The following LRRC8D variants were observed in gnomAD, a reference collection of about 807,000 sequenced individuals.
LRRC8D encodes the protein volume-regulated anion channel subunit LRRC8D.
Under a neutral mutation model 55.8 loss-of-function variants are expected in LRRC8D, and 20 were observed. The observed-to-expected ratio is 0.36, with a 90% CI of 0.25 to 0.52. The LOEUF (loss-of-function observed/expected upper bound fraction) is 0.52. Among genes scored for constraint, LRRC8D ranks in the 20% least tolerant of loss-of-function variants. The pLI is 0.93. For synonymous variants in LRRC8D, 352 were observed against 377.0 expected, an observed-to-expected ratio of 0.93 and a Z score of 0.77; for missense variants, 651 against 1,030.8, an observed-to-expected ratio of 0.63 and a Z score of 5.05.
chr1:89,869,635 G>A (rs1327893209), intron 2 of LRRC8D, among the ~76,000 whole-genome samples: 1 of 152,062 alleles, frequency 6.6e-6, no homozygotes, highest in Non-Finnish European at 1.5e-5. Flanking sequence ...CTCAAGAAGA[G>A]CAACCACAAG....
chr1:89,881,538 G>A (rs1016872015), intron 2 of LRRC8D, among the ~76,000 whole-genome samples: 1 of 152,166 alleles, frequency 6.6e-6, no homozygotes, highest in Non-Finnish European at 1.5e-5. Flanking sequence ...TGCAGAGTAG[G>A]TGGAGATTTG....
At chr1:89,879,020 T>C (rs1662215934) in intron 2 of LRRC8D, among the ~76,000 whole-genome samples, 1 of 151,160 alleles carries the variant, frequency 6.6e-6, no homozygotes, top group South Asian at 2.1e-4. Context: ...AAGGACTGGA[T>C]TGCGCAGTAA....
Position 89,866,624 on chromosome 1 carries a change from G to A in LRRC8D, c.-3+22842G>A, listed in dbSNP as rs72716325. Reference sequence around the variant, plus strand: ...TCCTTTAGTTCTCTACTTTTCTTTAGCCTTTGAGCCTATCCCTACATCTTA... The same window carrying A: ...TCCTTTAGTTCTCTACTTTTCTTTAACCTTTGAGCCTATCCCTACATCTTA... On this transcript the variant is annotated intron_variant, in intron 2 of 2. Coordinates refer to ENST00000337338, the MANE Select transcript of LRRC8D (RefSeq NM_001134479.2). Among the ~76,000 whole-genome samples, 118 of 152,144 alleles carry A rather than the reference G, an allele frequency of 7.8e-4. 1 individual carries two copies. Among genetic ancestry groups the A allele is most frequent in the Non-Finnish European group, 1.4e-3 (96 of 67,990 alleles).
At chr1:89,821,459 C>T (rs1420917337) in intron 1 of LRRC8D, among the ~76,000 whole-genome samples, 168 bp downstream of exon 1, 1 of 152,082 alleles carries the variant, frequency 6.6e-6, no homozygotes, top group African/African-American at 2.4e-5. Flanking sequence ...GAGGAGGTGG[C>T]GGCGAGCGGA....
At chr1:89,852,074 T>A (rs1661432493) in intron 2 of LRRC8D, among the ~76,000 whole-genome samples, 1 of 152,094 alleles carries the variant, frequency 6.6e-6, no homozygotes, top group South Asian at 2.1e-4. Flanking sequence ...TTTAGTTAAC[T>A]GCTGAGATTT....
At chr1:89,862,566 G>GGAT (rs1367767757) in intron 2 of LRRC8D, among the ~76,000 whole-genome samples, 1 of 152,128 alleles carries the variant, frequency 6.6e-6, no homozygotes, top group Non-Finnish European at 1.5e-5. Context: ...TCTCTGTGCT[G>GGAT]GATGTATTTA....
intron 2 of LRRC8D, among the ~76,000 whole-genome samples, chr1:89,924,817 T>G (rs1303681915): frequency 6.6e-6 from 1 of 151,864 alleles, no homozygotes; most frequent in Non-Finnish European, 1.5e-5. Flanking sequence ...TACAGAAACA[T>G]AAAACCAAAT....
intron 2 of LRRC8D, among the ~76,000 whole-genome samples, chr1:89,848,761 G>A (rs948144531): frequency 1.3e-5 from 2 of 151,598 alleles, no homozygotes; most frequent in African/African-American, 4.8e-5. Context: ...GTGCAGTGGC[G>A]CGATCTCGGC....
chr1:89,843,567 T>C (rs988402397), intron 1 of LRRC8D, 71 bp from the exon 2 acceptor site: 1 of 695,756 alleles, frequency 1.4e-6, no homozygotes, highest in Non-Finnish European at 2.6e-6. Flanking sequence ...CCCGCCGCCC[T>C]GCACTCCTTC....
At chr1:89,862,073 C>T (rs1386219569) in intron 2 of LRRC8D, among the ~76,000 whole-genome samples, 5 of 152,132 alleles carry the variant, frequency 3.3e-5, no homozygotes, top group African/African-American at 9.7e-5. Context: ...GAATCTCATT[C>T]GTACACACTT....
At chr1:89,882,718 A>G (rs1662316024) in intron 2 of LRRC8D, among the ~76,000 whole-genome samples, 1 of 152,270 alleles carries the variant, frequency 6.6e-6, no homozygotes. Flanking sequence ...TTAATGGATA[A>G]ATAACTGTGT....
At position 89,843,771 on chromosome 1, in the gene LRRC8D, C is replaced by A. The variant is rs1308858059; in HGVS notation, c.-14C>A. On this transcript the variant is annotated 5_prime_UTR_variant, in exon 2 of 3. Transcript: ENST00000337338. ...GAGCGCCCTGAGAGAACAGGGTGGC[C>A]GCTTGGTCCAGGTGCGCGGGGTCGG... The A allele has an allele frequency of 2.9e-6, 2 of 689,564 alleles. No individual in the cohort carries two copies. Among genetic ancestry groups the A allele is most frequent in the Admixed American group, 2.0e-5 (1 of 49,032 alleles). The allele number at this position is 689,564 out of a possible 1,614,324, so 42.7% of individuals were successfully genotyped here. A position where few individuals can be genotyped will look rare whatever the true frequency, so the allele number is the denominator to read the frequency against.
intron 2 of LRRC8D, among the ~76,000 whole-genome samples, chr1:89,877,651 T>G (rs1469394845): frequency 1.3e-5 from 2 of 152,220 alleles, no homozygotes; most frequent in Non-Finnish European, 2.9e-5. Context: ...GTTCCTAATT[T>G]AGGGACCAGC....
At chr1:89,906,212 G>A (rs181083488) in intron 2 of LRRC8D, among the ~76,000 whole-genome samples, 456 of 152,188 alleles carry the variant, frequency 3.0e-3, no homozygotes, top group Non-Finnish European at 4.7e-3. Flanking sequence ...GAAAATGAGC[G>A]GAACAATTCC....
At chr1:89,847,680 A>G (rs150266803) in intron 2 of LRRC8D, among the ~76,000 whole-genome samples, 1 of 152,214 alleles carries the variant, frequency 6.6e-6, no homozygotes, top group Non-Finnish European at 1.5e-5. Flanking sequence ...ATGCCTTCTT[A>G]GTCAAATTGT....
chr1:89,880,512 G>T (rs184447149), intron 2 of LRRC8D, among the ~76,000 whole-genome samples: 2 of 150,894 alleles, frequency 1.3e-5, no homozygotes, highest in Admixed American at 6.6e-5. Flanking sequence ...ATTCTGCAGA[G>T]ATTTAGGTTC....
At chr1:89,902,803 C>T (rs1662897369) in intron 2 of LRRC8D, among the ~76,000 whole-genome samples, 2 of 152,166 alleles carry the variant, frequency 1.3e-5, no homozygotes, top group African/African-American at 4.8e-5. Context: ...GGATTACAGG[C>T]GTGAGCCACC....
At chr1:89,898,640 C>A (rs1190147809) in intron 2 of LRRC8D, among the ~76,000 whole-genome samples, 1 of 152,116 alleles carries the variant, frequency 6.6e-6, no homozygotes, top group African/African-American at 2.4e-5. Flanking sequence ...ATAGACTGAT[C>A]CAAAAGAACT....
Position 89,934,736 on chromosome 1 carries a change from G to A in LRRC8D, c.1668G>A (p.Val556=), listed in dbSNP as rs1197133606. ...FTDVAEIPAW[V]YLLKNLRELY... ...ATGTGGCTGAAATTCCTGCCTGGGT[G>A]TATTTGCTCAAAAACCTTCGAGAGT... is the stretch of plus-strand genomic sequence containing the variant. Residue 556 remains valine (V), a synonymous_variant, in exon 3 of 3, where the codon GTG becomes GTA. Transcript: ENST00000337338. The surrounding 1 kb of genome is among the most constrained non-coding windows in gnomAD (Gnocchi z 5.9). 6.2e-7 allele frequency: 1 copy of A among 1,614,162 alleles called. No homozygotes were observed. The highest frequency in any genetic ancestry group is 8.5e-7 in the Non-Finnish European group (1 of 1,180,030).
Sources: allele counts gnomAD v4.1 joint callset (sites outside exome capture counted in the v4.1 genomes callset), GRCh38; gene constraint gnomAD v4.1.1; non-coding constraint Gnocchi (gnomAD v3.1); transcripts MANE v1.5; gene names NCBI Gene and HGNC (gene_info 2026-07-23, HGNC 2026-07-21).